The following PRDM2 variants were observed in gnomAD, a reference collection of about 807,000 sequenced individuals.
The protein encoded by PRDM2 is PR domain zinc finger protein 2.
A neutral mutation model predicts 130.0 loss-of-function variants in PRDM2; 30 were observed. The ratio of observed to expected loss-of-function variants is 0.23; its 90% CI spans 0.17 to 0.31. PRDM2 has a LOEUF of 0.31. PRDM2 is among the 10% of genes least tolerant of loss of function. The pLI is 1.00. For synonymous variants in PRDM2, 871 were observed against 782.4 expected, an observed-to-expected ratio of 1.11 and a Z score of -1.89; for missense variants, 2,011 against 2,108.4, an observed-to-expected ratio of 0.95 and a Z score of 0.90.
intron 1 of PRDM2, among the ~76,000 whole-genome samples, chr1:13,713,078 C>T (rs1284099169): frequency 6.6e-6 from 1 of 152,234 alleles, no homozygotes; most frequent in African/African-American, 2.4e-5. Flanking sequence ...CCTTTCCTGG[C>T]TTTTATGTAG....
chr1:13,786,236 C>G (rs1358242106), intron 8 of PRDM2, among the ~76,000 whole-genome samples: 3 of 150,942 alleles, frequency 2.0e-5, no homozygotes, highest in Non-Finnish European at 4.4e-5. Context: ...AAATGAAATT[C>G]TAGACCAAGT....
chr1:13,790,557 G>A (rs183390587), intron 8 of PRDM2, among the ~76,000 whole-genome samples: 5 of 152,240 alleles, frequency 3.3e-5, no homozygotes, highest in African/African-American at 1.2e-4. Context: ...TTCCTGAAGG[G>A]TTTGCCTCAC....
chr1:13,725,245 C>G (rs1262414988), intron 2 of PRDM2, among the ~76,000 whole-genome samples: 1 of 152,172 alleles, frequency 6.6e-6, no homozygotes, highest in Admixed American at 6.5e-5. Context: ...TGCTCTATCC[C>G]CCGGGCTGGA....
intron 7 of PRDM2, among the ~76,000 whole-genome samples, chr1:13,776,163 T>C (rs1156810181): frequency 6.6e-6 from 1 of 152,086 alleles, no homozygotes; most frequent in Non-Finnish European, 1.5e-5. Flanking sequence ...TTCGTTGCCT[T>C]CCTGCTTGTG....
rs755847131 is a variant in PRDM2 at position 13,779,513 on chromosome 1, A to G, written c.1718A>G (p.Lys573Arg). ...SENLNYYIDG[K>R]IQTNNNTSNC... ...AACTTAAATTACTATATTGATGGTAAAATTCAAACTAATAACAACACTAGT... is the reference window on the plus strand; with the variant it reads ...AACTTAAATTACTATATTGATGGTAGAATTCAAACTAATAACAACACTAGT... The change falls in exon 8 of 10, where the codon AAA (lysine) becomes AGA (arginine). Residue 573 changes from lysine to arginine, a missense_variant. Around this residue, in one of 5 missense-constraint regions of PRDM2, gnomAD observed 1,288 missense variants for 1,237.7 expected, o/e 1.04. Transcript: ENST00000311066. The surrounding 1 kb of genome is among the most constrained non-coding windows in gnomAD (Gnocchi z 4.9). The G allele has an allele frequency of 1.9e-6, 3 of 1,614,144 alleles. No homozygotes were observed. In the East Asian group the frequency reaches 6.7e-5, roughly 36 times the overall value.
At chr1:13,705,503 T>A (rs2100380134) in intron 1 of PRDM2, 1 of 152,262 alleles carries the variant, frequency 6.6e-6, no homozygotes, top group South Asian at 2.1e-4. Context: ...CAAAGCCACA[T>A]CCTGCACCGT....
rs1643734218 is a variant in PRDM2, at chr1:13,749,463, C to G, written c.487C>G (p.Arg163Gly). The change falls in exon 6 of 10, where the codon CGG becomes GGG. Residue 163 changes from arginine to glycine, a missense_variant. Physicochemically the swap from Arg to Gly is moderately radical, Grantham distance 125. This residue lies in a region of PRDM2 where 1,288 missense variants were observed against 1,237.7 expected (regional missense o/e 1.04). Transcript: ENST00000311066. The stretch of plus-strand genomic sequence containing the variant: ...AGAGCGAGCCAGCGCCCGGAGCAAG[C>G]GGAGCTCCCCCAAGAGCCGGAAAGG... ...EEERASARSKRSSPKSRKGKK... is the reference protein window; with the variant it reads ...EEERASARSKGSSPKSRKGKK... The G allele has an allele frequency of 6.7e-7, 1 of 1,492,482 alleles. No individual in the cohort carries two copies. Among genetic ancestry groups the G allele is most frequent in the African/African-American group, 1.5e-5 (1 of 68,516 alleles). 92.5% of individuals were successfully genotyped at this position (1,492,482 alleles called of 1,614,324 possible). A position where few individuals can be genotyped will look rare whatever the true frequency, so the allele number is the denominator to read the frequency against.
intron 2 of PRDM2, among the ~76,000 whole-genome samples, chr1:13,722,064 T>C (rs1381841749): frequency 6.6e-6 from 1 of 152,218 alleles, no homozygotes; most frequent in Non-Finnish European, 1.5e-5. Context: ...GTCCTGATTC[T>C]GTCCTGTAAA....
intron 1 of PRDM2, among the ~76,000 whole-genome samples, chr1:13,710,322 C>T (rs959650499): frequency 6.6e-6 from 1 of 152,174 alleles, no homozygotes; most frequent in African/African-American, 2.4e-5. Flanking sequence ...AAGACAGCAG[C>T]TTAACAGTTG....
At chr1:13,769,052 C>G in intron 6 of PRDM2, 2 of 810,274 alleles carry the variant, frequency 2.5e-6, no homozygotes, top group Non-Finnish European at 1.5e-6. Context: ...TGTCCTGTCC[C>G]TCTGCTGTTC....
At chr1:13,717,503 T>G in intron 2 of PRDM2, 2 of 849,040 alleles carry the variant, frequency 2.4e-6, no homozygotes, top group Non-Finnish European at 2.8e-6. Context: ...TTATTTGATA[T>G]GTCTACATCT....
At chr1:13,725,881 T>C (rs988303284) in intron 2 of PRDM2, among the ~76,000 whole-genome samples, 1 of 152,230 alleles carries the variant, frequency 6.6e-6, no homozygotes, top group African/African-American at 2.4e-5. Flanking sequence ...ATGTAGACTC[T>C]GGAATCTGTC....
intron 6 of PRDM2, chr1:13,769,072 A>G (rs969252327): frequency 8.4e-5 from 77 of 921,446 alleles, no homozygotes; most frequent in Non-Finnish European, 1.0e-4. Flanking sequence ...CCTTGTCATC[A>G]TTTCCATTTC....
At chr1:13,812,162 G>T (rs1187432466) in intron 8 of PRDM2, among the ~76,000 whole-genome samples, 1 of 152,030 alleles carries the variant, frequency 6.6e-6, no homozygotes, top group Non-Finnish European at 1.5e-5. Context: ...GTGGGGGGGA[G>T]GGTGCAGCGT....
intron 7 of PRDM2, among the ~76,000 whole-genome samples, chr1:13,775,025 G>A (rs1186783908): frequency 6.6e-6 from 1 of 152,000 alleles, no homozygotes; most frequent in East Asian, 1.9e-4. Context: ...ATTTGGCACA[G>A]CTGGTCAAAG....
intron 4 of PRDM2, among the ~76,000 whole-genome samples, chr1:13,733,880 A>T (rs1051733008): frequency 2.6e-5 from 4 of 152,220 alleles, no homozygotes; most frequent in Admixed American, 2.0e-4. Context: ...AAACTGAATC[A>T]CATCTGTTTT....
At chr1:13,817,965 C>A (rs1386415416) in intron 9 of PRDM2, among the ~76,000 whole-genome samples, 6 of 152,160 alleles carry the variant, frequency 3.9e-5, no homozygotes, top group Non-Finnish European at 7.3e-5. Context: ...GAGTTTACAT[C>A]TCTGTGGGAA....
chr1:13,700,682 G>A (rs1407739677), intron 1 of PRDM2, among the ~76,000 whole-genome samples: 1 of 151,994 alleles, frequency 6.6e-6, no homozygotes, highest in Admixed American at 6.5e-5. Context: ...CGTGGGGCCG[G>A]GCGCCGTCCC....
In PRDM2 at chr1:13,781,454, C is replaced by T. The variant is rs766150798; in HGVS notation, c.3659C>T (p.Thr1220Ile). Reference protein sequence around the residue: ...QRDLHPDKVCTHHEFESGTLR... With the variant: ...QRDLHPDKVCIHHEFESGTLR... Reference sequence around the variant, plus strand: ...GATCTCCACCCAGATAAGGTGTGCACACATCACGAGTTTGAAAGCGGGACT... The same window carrying T: ...GATCTCCACCCAGATAAGGTGTGCATACATCACGAGTTTGAAAGCGGGACT... Residue 1220 changes from threonine (T) to isoleucine (I), a missense_variant, in exon 8 of 10, where the codon ACA becomes ATA. Transcript: ENST00000311066. The surrounding 1 kb of genome is among the most constrained non-coding windows in gnomAD (Gnocchi z 6.1). 12 of 1,613,948 alleles carry T rather than the reference C, an allele frequency of 7.4e-6. No homozygotes were observed. The highest frequency in any genetic ancestry group is 3.3e-5 in the Admixed American group (2 of 60,018).
Sources: allele counts gnomAD v4.1 joint callset (sites outside exome capture counted in the v4.1 genomes callset), GRCh38; gene constraint gnomAD v4.1.1; regional missense constraint gnomAD v4.1.1; non-coding constraint Gnocchi (gnomAD v3.1); transcripts MANE v1.5; gene names NCBI Gene and HGNC (gene_info 2026-07-23, HGNC 2026-07-21).